Variants in ETV1 observed in about 807,000 individuals in gnomAD.
ETV1 encodes the protein ETS variant transcription factor 1.
In ETV1, 27 loss-of-function variants were observed where a neutral mutation model predicts 62.3. The observed-to-expected ratio is 0.43, with a 90% CI of 0.32 to 0.60. The LOEUF (loss-of-function observed/expected upper bound fraction) is 0.60. Among genes scored for constraint, ETV1 ranks in the 20% least tolerant of loss-of-function variants. The pLI is 0.06. For synonymous variants in ETV1, 222 were observed against 199.6 expected (o/e 1.11, Z -0.94); for missense variants, 605 against 605.8 (o/e 1.00, Z 0.01).
intron 6 of ETV1, among the ~76,000 whole-genome samples, chr7:13,947,390 T>TAA (rs1387849446): frequency 5.7e-5 from 2 of 35,360 alleles, no homozygotes; most frequent in Admixed American, 3.3e-4. Flanking sequence ...ACACTAACTA[T>TAA]ACAAAAAAAA....
rs369000095 is a variant in ETV1 at position 13,911,322 on chromosome 7, A to G, written c.803-15T>C. 4.4e-6 allele frequency: 7 copies of G among 1,596,734 alleles called. No individual in the cohort carries two copies. The Admixed American group carries it at 5.0e-5, about 11-fold the overall frequency. On this transcript the variant is annotated splice_polypyrimidine_tract_variant and intron_variant, in intron 9 of 13. Coordinates refer to ENST00000430479, the MANE Select transcript of ETV1 (RefSeq NM_004956.5). ...GCTAGGCACTTCTGAAAGAGGAAAC[A>G]ATATTGGTCAAAAAGAGTCTGGAGC...
chr7:13,908,161 C>T (rs747133797), intron 11 of ETV1, among the ~76,000 whole-genome samples: 11 of 152,056 alleles, frequency 7.2e-5, no homozygotes, highest in Non-Finnish European at 1.5e-4. Flanking sequence ...TCTTGTTCTA[C>T]ATTACTTATA....
chr7:13,943,067 A>G (rs1787748674), intron 6 of ETV1, among the ~76,000 whole-genome samples: 1 of 152,212 alleles, frequency 6.6e-6, no homozygotes, highest in African/African-American at 2.4e-5. Flanking sequence ...AGATGTTTTA[A>G]GTAGAAAGAT....
rs1781544396 is a variant in ETV1, at chr7:13,893,821, C to A, written c.*2045G>T. The A allele has an allele frequency of 4.3e-6, 1 of 232,986 alleles. No homozygotes were observed. Among genetic ancestry groups the A allele is most frequent in the Non-Finnish European group, 8.5e-6 (1 of 117,710 alleles). The allele number at this position is 232,986 out of a possible 1,614,324, so 14.4% of individuals were successfully genotyped here. ...TAAGTGCTGTAGATGGCCACATAAG[C>A]ATAGTGGGGAGAAAAGGTTCTGATT... On this transcript the variant is annotated 3_prime_UTR_variant, in exon 14 of 14. Transcript: ENST00000430479.
rs74415338 is a variant in ETV1, at chr7:13,920,511, A to C, written c.803-9204T>G. Among the ~76,000 whole-genome samples, 602 of 152,046 alleles carry C rather than the reference A, an allele frequency of 4.0e-3. 6 individuals are homozygous for C. The highest frequency in any genetic ancestry group is 0.014 in the African/African-American group (566 of 41,490). On this transcript the variant is annotated intron_variant, in intron 9 of 13. Coordinates refer to ENST00000430479, the MANE Select transcript of ETV1 (RefSeq NM_004956.5). ...TTTTATGAATGAAACTCCAGGCTCT[A>C]TAGCGTCCATTCATGTAAGAGAAAT...
Position 13,977,471 on chromosome 7 carries a change from G to A in ETV1, c.191C>T (p.Pro64Leu). 6.5e-7 allele frequency: 1 copy of A among 1,544,214 alleles called. No individual in the cohort carries two copies. The highest frequency in any genetic ancestry group is 8.8e-7 in the Non-Finnish European group (1 of 1,142,642). Reference sequence around the variant, plus strand: ...TGGTACAAACTGCTCATCATTGTCAGGTACCTGAGCTGAAGAAGAAAAAGA... The same window carrying A: ...TGGTACAAACTGCTCATCATTGTCAAGTACCTGAGCTGAAGAAGAAAAAGA... ...QETWLAEAQV[P>L]DNDEQFVPDY... Residue 64 changes from proline (P) to leucine (L), a missense_variant, in exon 6 of 14, where the codon CCT becomes CTT. This residue lies in a region of ETV1 where 426 missense variants were observed against 377.8 expected (regional missense o/e 1.13). Transcript: ENST00000430479.
At chr7:13,934,409 A>G (rs1786546866) in intron 8 of ETV1, among the ~76,000 whole-genome samples, 1 of 152,222 alleles carries the variant, frequency 6.6e-6, no homozygotes, top group Non-Finnish European at 1.5e-5. Flanking sequence ...TATAAAAAGC[A>G]CATTTGAGTG....
intron 9 of ETV1, among the ~76,000 whole-genome samples, chr7:13,912,715 T>A (rs1027472505): frequency 6.6e-6 from 1 of 152,160 alleles, no homozygotes; most frequent in Non-Finnish European, 1.5e-5. Flanking sequence ...TTGGCTAGCA[T>A]TGTTTAAATC....
At chr7:13,984,552 A>C (rs1782350891) in intron 5 of ETV1, among the ~76,000 whole-genome samples, 1 of 152,032 alleles carries the variant, frequency 6.6e-6, no homozygotes, top group African/African-American at 2.4e-5. Flanking sequence ...CATCACGTTA[A>C]CAACTTTTTA....
intron 9 of ETV1, among the ~76,000 whole-genome samples, chr7:13,916,861 G>C (rs1460635648): frequency 6.6e-6 from 1 of 151,578 alleles, no homozygotes; most frequent in Admixed American, 6.6e-5. Flanking sequence ...GAGCGCAGGA[G>C]GCAGAGGTTG....
chr7:13,989,762 T>C (rs1782878952), upstream of ETV1: 1 of 396,562 alleles, frequency 2.5e-6, no homozygotes, highest in Non-Finnish European at 4.4e-6. Flanking sequence ...TCCGCGTCTC[T>C]TTCACAAGAT....
At chr7:13,919,173 C>A (rs1440214455) in intron 9 of ETV1, among the ~76,000 whole-genome samples, 1 of 152,028 alleles carries the variant, frequency 6.6e-6, no homozygotes. Context: ...GTTACAAAAA[C>A]ACTAAAAGAT....
Position 13,892,463 on chromosome 7 carries a change from TCAG to T in ETV1, c.*3400_*3402del. On this transcript the variant is annotated 3_prime_UTR_variant, in exon 14 of 14. Coordinates refer to ENST00000430479, the MANE Select transcript of ETV1 (RefSeq NM_004956.5). ...CTAGTACTTTCAAATCCTAGATCCC[TCAG>T]CAGAACTCCACTGTTCCTGAGTAAA... 1 of 232,826 alleles carries T rather than the reference TCAG, an allele frequency of 4.3e-6. No homozygotes were observed. 14.4% of individuals were successfully genotyped at this position (232,826 alleles called of 1,614,324 possible). A position where few individuals can be genotyped will look rare whatever the true frequency, so the allele number is the denominator to read the frequency against.
intron 6 of ETV1, among the ~76,000 whole-genome samples, chr7:13,965,971 C>A (rs1201016786): frequency 1.3e-5 from 2 of 152,100 alleles, no homozygotes; most frequent in Non-Finnish European, 2.9e-5. Context: ...GTGAATCATA[C>A]ACATAAACCG....
At chr7:13,988,684 T>C in intron 3 of ETV1, 1 of 1,610,488 alleles carries the variant, frequency 6.2e-7, no homozygotes, top group Non-Finnish European at 8.5e-7. Flanking sequence ...CTCAACTTCA[T>C]TCTTTTCAAT....
At chr7:13,965,898 T>C (rs1004662160) in intron 6 of ETV1, among the ~76,000 whole-genome samples, 1 of 152,166 alleles carries the variant, frequency 6.6e-6, no homozygotes, top group Admixed American at 6.5e-5. Flanking sequence ...TTTTAAAAAA[T>C]AAGATTCTAA....
chr7:13,983,739 T>A (rs1782239168), intron 5 of ETV1, among the ~76,000 whole-genome samples: 1 of 151,486 alleles, frequency 6.6e-6, no homozygotes, highest in Non-Finnish European at 1.5e-5. Context: ...TAAATTGCAG[T>A]GTTATTTCTT....
chr7:13,900,558 C>G, intron 13 of ETV1, 180 bp downstream of exon 13: 1 of 539,078 alleles, frequency 1.9e-6, no homozygotes, highest in Non-Finnish European at 3.3e-6. Flanking sequence ...ACACATTTGT[C>G]TACAATGTCT....
chr7:13,957,996 A>T (rs1265166175), intron 6 of ETV1, among the ~76,000 whole-genome samples: 1 of 152,232 alleles, frequency 6.6e-6, no homozygotes, highest in Non-Finnish European at 1.5e-5. Context: ...GCATAGGGAT[A>T]AAAGTTAAGT....
Sources: allele counts gnomAD v4.1 joint callset (sites outside exome capture counted in the v4.1 genomes callset), GRCh38; gene constraint gnomAD v4.1.1; regional missense constraint gnomAD v4.1.1; transcripts MANE v1.5; gene names NCBI Gene and HGNC (gene_info 2026-07-23, HGNC 2026-07-21).